Variants in BRMS1L observed in about 807,000 individuals in gnomAD.
BRMS1L encodes the protein breast cancer metastasis-suppressor 1-like protein.
BRMS1L carries 23 observed loss-of-function variants against 50.3 expected under a neutral mutation model. The observed-to-expected ratio is 0.46, with a 90% CI of 0.33 to 0.65. The LOEUF (loss-of-function observed/expected upper bound fraction) is 0.65, where lower values mean the gene tolerates loss of function less well. Ranked by LOEUF, BRMS1L falls within the 30% of genes least tolerant of loss-of-function variation. BRMS1L has a pLI of 0.02. For missense variants in BRMS1L, 286 were observed against 386.1 expected (o/e 0.74, Z 2.17); for synonymous variants, 114 against 126.9 (o/e 0.90, Z 0.69).
chr14:35,826,994 C>T (rs376235782), intron 1 of BRMS1L, among the ~76,000 whole-genome samples: 2 of 152,212 alleles, frequency 1.3e-5, no homozygotes, highest in African/African-American at 2.4e-5. Context: ...AGCCCACCGA[C>T]CTCTTTCCCT....
rs534391819 is a variant in BRMS1L, at chr14:35,835,857, TACA to T, written c.441+945_441+947del. Among the ~76,000 whole-genome samples the T allele has an allele frequency of 3.4e-3, 523 of 152,048 alleles. 4 individuals are homozygous for T. Among genetic ancestry groups the T allele is most frequent in the African/African-American group, 0.012 (497 of 41,482 alleles). ...GTCACCCTGTCTCAGAAATAGCAAC[TACA>T]ACAACAACAAACAAAAAAACCCCAT... On this transcript the variant is annotated intron_variant, in intron 4 of 9. Transcript: ENST00000216807.
At chr14:35,866,216 T>C (rs1030788597) in intron 8 of BRMS1L, among the ~76,000 whole-genome samples, 1 of 152,118 alleles carries the variant, frequency 6.6e-6, no homozygotes, top group Non-Finnish European at 1.5e-5. Flanking sequence ...TTTTTGGAAG[T>C]CTAAAATCAC....
At chr14:35,857,502 A>G (rs1245392967) in intron 4 of BRMS1L, among the ~76,000 whole-genome samples, 1 of 151,784 alleles carries the variant, frequency 6.6e-6, no homozygotes, top group Non-Finnish European at 1.5e-5. Flanking sequence ...AAATTTTTTT[A>G]TAGAGATGGG....
At chr14:35,839,147 T>C (rs557530012) in intron 4 of BRMS1L, among the ~76,000 whole-genome samples, 158 of 152,346 alleles carry the variant, frequency 1.0e-3, no homozygotes, top group African/African-American at 3.6e-3. Flanking sequence ...CCAATGCTTG[T>C]TTTTGTCAGG....
chr14:35,828,075 A>G (rs2077867381), intron 1 of BRMS1L, among the ~76,000 whole-genome samples: 1 of 152,226 alleles, frequency 6.6e-6, no homozygotes, highest in African/African-American at 2.4e-5. Flanking sequence ...AGAAAAACCA[A>G]GATACAAGGA....
chr14:35,836,820 G>A (rs1188530290), intron 4 of BRMS1L, among the ~76,000 whole-genome samples: 1 of 150,712 alleles, frequency 6.6e-6, no homozygotes, highest in Non-Finnish European at 1.5e-5. Context: ...AGGCCGAGGC[G>A]GGCAGATCAC....
chr14:35,834,833 T>A lies in BRMS1L; in HGVS notation c.362-11T>A. 2 of 1,529,202 alleles carry A rather than the reference T, an allele frequency of 1.3e-6. No homozygotes were observed. Among genetic ancestry groups the A allele is most frequent in the Non-Finnish European group, 1.8e-6 (2 of 1,137,338 alleles). 94.7% of individuals were successfully genotyped at this position (1,529,202 alleles called of 1,614,324 possible). A position where few individuals can be genotyped will look rare whatever the true frequency, so the allele number is the denominator to read the frequency against. On this transcript the variant is annotated splice_polypyrimidine_tract_variant and intron_variant, in intron 3 of 9. Coordinates refer to ENST00000216807, the MANE Select transcript of BRMS1L (RefSeq NM_032352.4). ...TGCTAACATAATCAGAGTAATTGTGTTTGGTTGCAGGAATCTATAGAGAGC... is the reference window on the plus strand; with the variant it reads ...TGCTAACATAATCAGAGTAATTGTGATTGGTTGCAGGAATCTATAGAGAGC...
At chr14:35,830,442 C>G (rs941024168) in intron 1 of BRMS1L, among the ~76,000 whole-genome samples, 1 of 152,056 alleles carries the variant, frequency 6.6e-6, no homozygotes, top group Non-Finnish European at 1.5e-5. Context: ...ACTGCAACCT[C>G]TGCCTATCAA....
At position 35,833,166 on chromosome 14, in the gene BRMS1L, G is replaced by T. The variant is rs556560583; in HGVS notation, c.361+61G>T. 8.2e-5 allele frequency: 123 copies of T among 1,503,996 alleles called. 1 individual carries two copies. The African/African-American group carries it at 1.5e-3, about 18-fold the overall frequency. The allele number at this position is 1,503,996 out of a possible 1,614,324, so 93.2% of individuals were successfully genotyped here. A position where few individuals can be genotyped will look rare whatever the true frequency, so the allele number is the denominator to read the frequency against. On this transcript the variant is annotated intron_variant, in intron 3 of 9. Coordinates refer to ENST00000216807, the MANE Select transcript of BRMS1L (RefSeq NM_032352.4). ...GTAAACTCTTCAGTAGCTTTAAAAG[G>T]TGTTTATCAAGTAAGTGTTTTATGT...
chr14:35,865,074 G>C, intron 7 of BRMS1L, 75 bp downstream of exon 7: 1 of 1,101,722 alleles, frequency 9.1e-7, no homozygotes, highest in South Asian at 1.7e-5. Flanking sequence ...TTTTTTGTTA[G>C]TACATCAAAA....
chr14:35,855,574 A>C (rs1234801289), intron 4 of BRMS1L, among the ~76,000 whole-genome samples: 1 of 152,178 alleles, frequency 6.6e-6, no homozygotes, highest in East Asian at 1.9e-4. Context: ...TCAGCTTTGA[A>C]AGCCATAGAG....
At chr14:35,866,790 A>G (rs943774836) in intron 8 of BRMS1L, among the ~76,000 whole-genome samples, 1 of 152,166 alleles carries the variant, frequency 6.6e-6, no homozygotes, top group African/African-American at 2.4e-5. Context: ...TGCCCTGGGG[A>G]ATTAACTGCC....
At chr14:35,866,078 GC>G in intron 8 of BRMS1L, 1 of 236,026 alleles carries the variant, frequency 4.2e-6, no homozygotes, top group East Asian at 8.9e-5. Flanking sequence ...TTGTGGATTG[GC>G]TTCAGAGATT....
intron 4 of BRMS1L, among the ~76,000 whole-genome samples, chr14:35,849,134 C>T (rs2078176058): frequency 6.6e-6 from 1 of 151,978 alleles, no homozygotes; most frequent in Non-Finnish European, 1.5e-5. Context: ...GGATTACAGG[C>T]ATGAGCCACT....
intron 4 of BRMS1L, among the ~76,000 whole-genome samples, chr14:35,837,633 C>T (rs1027448592): frequency 2.0e-5 from 3 of 152,216 alleles, no homozygotes; most frequent in African/African-American, 4.8e-5. Context: ...TCACTGCATC[C>T]TCTGCCTCCC....
At chr14:35,826,903 T>A (rs969601084) in intron 1 of BRMS1L, 2 of 523,134 alleles carry the variant, frequency 3.8e-6, no homozygotes, top group Admixed American at 7.3e-5. Flanking sequence ...GGCGTGGTCC[T>A]GCCCCCGGTG....
At chr14:35,851,788 A>G (rs1476035530) in intron 4 of BRMS1L, among the ~76,000 whole-genome samples, 1 of 152,182 alleles carries the variant, frequency 6.6e-6, no homozygotes, top group East Asian at 1.9e-4. Flanking sequence ...TGAGCCAGCA[A>G]CCCCTCTTCC....
intron 4 of BRMS1L, among the ~76,000 whole-genome samples, chr14:35,860,483 T>C (rs2078334973): frequency 6.6e-6 from 1 of 152,040 alleles, no homozygotes; most frequent in South Asian, 2.1e-4. Context: ...TCCCAGATGA[T>C]TTAAAAAGTC....
chr14:35,860,579 TAA>T (rs397852632), intron 4 of BRMS1L, among the ~76,000 whole-genome samples: 21 of 134,742 alleles, frequency 1.6e-4, no homozygotes, highest in East Asian at 2.1e-4. Context: ...GCAGTATGCT[TAA>T]AAAAAAAAAA....
Sources: allele counts gnomAD v4.1 joint callset (sites outside exome capture counted in the v4.1 genomes callset), GRCh38; gene constraint gnomAD v4.1.1; transcripts MANE v1.5; gene names NCBI Gene and HGNC (gene_info 2026-07-23, HGNC 2026-07-21).